The following SPMIP11 variants were observed in gnomAD, a reference collection of about 807,000 sequenced individuals.
The protein encoded by SPMIP11 is sperm microtubule inner protein 11, also known as long intergenic non-protein coding RNA 935.
the SPMIP11 span, among the ~76,000 whole-genome samples, chr12:48,750,739 A>G: frequency 2.0e-5 from 3 of 152,182 alleles, no homozygotes; most frequent in Non-Finnish European, 4.4e-5. Context: ...AATTCAGGGA[A>G]CCCACAGTTC....
the SPMIP11 span, among the ~76,000 whole-genome samples, chr12:48,728,519 T>C: frequency 4.0e-5 from 6 of 151,796 alleles, no homozygotes; most frequent in South Asian, 2.1e-4. Context: ...CCATCCTGGC[T>C]AACACGGTGA....
At chr12:48,747,530 T>C in the SPMIP11 span, among the ~76,000 whole-genome samples, 2 of 152,196 alleles carry the variant, frequency 1.3e-5, no homozygotes, top group African/African-American at 2.4e-5. Flanking sequence ...GCCTTTTTAA[T>C]AGTGCAGACC....
chr12:48,760,516 CTGT>C, the SPMIP11 span, among the ~76,000 whole-genome samples: 43 of 150,574 alleles, frequency 2.9e-4, no homozygotes, highest in African/African-American at 8.1e-4. Flanking sequence ...ATTGGTTTTG[CTGT>C]TGTTGTTGTT....
At chr12:48,732,700 G>A in the SPMIP11 span, among the ~76,000 whole-genome samples, 1 of 151,800 alleles carries the variant, frequency 6.6e-6, no homozygotes, top group Admixed American at 6.6e-5. Context: ...AACCCAGGAG[G>A]TGGAGGTTGC....
At chr12:48,744,863 G>T in the SPMIP11 span, among the ~76,000 whole-genome samples, 1 of 151,510 alleles carries the variant, frequency 6.6e-6, no homozygotes, top group African/African-American at 2.4e-5. Context: ...AGAAAGAAAA[G>T]GAAAAGAAAA....
At chr12:48,732,353 T>C in the SPMIP11 span, among the ~76,000 whole-genome samples, 1 of 152,100 alleles carries the variant, frequency 6.6e-6, no homozygotes, top group Non-Finnish European at 1.5e-5. Flanking sequence ...TATGACCAAT[T>C]TGTTGCTGGG....
At chr12:48,742,915 A>T in the SPMIP11 span, among the ~76,000 whole-genome samples, 1 of 152,084 alleles carries the variant, frequency 6.6e-6, no homozygotes, top group Non-Finnish European at 1.5e-5. Context: ...ATAAAAGAAA[A>T]GCCACAGCCC....
chr12:48,737,415 A>ATT, the SPMIP11 span, among the ~76,000 whole-genome samples: 1,698 of 139,206 alleles, frequency 0.012, 32 homozygotes, highest in African/African-American at 0.043. Flanking sequence ...TTAATTTTTA[A>ATT]TTTTTTTTTT....
chr12:48,739,712 G>A, the SPMIP11 span, among the ~76,000 whole-genome samples: 1 of 152,128 alleles, frequency 6.6e-6, no homozygotes, highest in Non-Finnish European at 1.5e-5. Flanking sequence ...TAAACAACTA[G>A]ATCTTGTGAG....
the SPMIP11 span, among the ~76,000 whole-genome samples, chr12:48,745,615 G>T: frequency 1.3e-5 from 2 of 152,180 alleles, no homozygotes; most frequent in Non-Finnish European, 2.9e-5. Flanking sequence ...ATCAATTTCA[G>T]ATGAATTAGA....
chr12:48,760,485 C>T, the SPMIP11 span, among the ~76,000 whole-genome samples: 103 of 150,550 alleles, frequency 6.8e-4, 1 homozygote, highest in African/African-American at 2.3e-3. Flanking sequence ...GCCCATTTAC[C>T]CTTTATCAAC....
chr12:48,767,274 G>A, the SPMIP11 span: 1 of 152,608 alleles, frequency 6.6e-6, no homozygotes, highest in African/African-American at 2.4e-5. Context: ...CCACAGACAG[G>A]GAGAGTCATG....
chr12:48,753,792 C>A, the SPMIP11 span, among the ~76,000 whole-genome samples: 1 of 151,240 alleles, frequency 6.6e-6, no homozygotes, highest in East Asian at 1.9e-4. Context: ...ACCTCTGCCC[C>A]CCCGGGTTCA....
the SPMIP11 span, chr12:48,759,091 T>G: frequency 3.3e-6 from 2 of 608,148 alleles, no homozygotes; most frequent in African/African-American, 3.7e-5. Flanking sequence ...TCCTGAAAAT[T>G]GGATGTGAGT....
chr12:48,747,231 C>G, the SPMIP11 span, among the ~76,000 whole-genome samples: 166 of 152,150 alleles, frequency 1.1e-3, no homozygotes, highest in African/African-American at 3.9e-3. Flanking sequence ...TCAAGTGATC[C>G]TCCTGCCTCA....
the SPMIP11 span, among the ~76,000 whole-genome samples, chr12:48,738,588 C>A: frequency 6.7e-6 from 1 of 150,162 alleles, no homozygotes; most frequent in Non-Finnish European, 1.5e-5. Flanking sequence ...AGGCTGGAGT[C>A]CAGTGGCGCG....
At chr12:48,749,372 T>G in the SPMIP11 span, among the ~76,000 whole-genome samples, 1 of 152,010 alleles carries the variant, frequency 6.6e-6, no homozygotes, top group Non-Finnish European at 1.5e-5. Flanking sequence ...CTCATGCCTG[T>G]AATCCCAGCA....
the SPMIP11 span, among the ~76,000 whole-genome samples, chr12:48,755,875 C>CT: frequency 0.012 from 1,206 of 101,574 alleles, 27 homozygotes; most frequent in East Asian, 0.031. Context: ...CAGTTTCTTT[C>CT]TTTTTTTTTT....
At chr12:48,740,091 TG>T in the SPMIP11 span, among the ~76,000 whole-genome samples, 8 of 152,310 alleles carry the variant, frequency 5.3e-5, no homozygotes, top group Admixed American at 2.6e-4. Flanking sequence ...ATGATGATGA[TG>T]ATGATGTCAT....
Sources: allele counts gnomAD v4.1 joint callset (sites outside exome capture counted in the v4.1 genomes callset), GRCh38; gene constraint gnomAD v4.1.1; transcripts MANE v1.5; gene names NCBI Gene and HGNC (gene_info 2026-07-23, HGNC 2026-07-21).